Variants in MTAP observed in about 807,000 individuals in gnomAD.
The protein encoded by MTAP is methylthioadenosine phosphorylase.
In MTAP, 33 loss-of-function variants were observed where a neutral mutation model predicts 33.6. That is an observed-to-expected ratio of 0.98 (90% confidence interval 0.74 to 1.31). MTAP has a LOEUF of 1.31. MTAP is among the 40% of genes most tolerant of loss of function. MTAP has a pLI of 0.00. For synonymous variants in MTAP, 148 were observed against 125.7 expected (o/e 1.18, Z -1.19); for missense variants, 367 against 360.0 (o/e 1.02, Z -0.16).
chr9:21,923,422 T>G (rs551301531), intron 1 of MTAP, among the ~76,000 whole-genome samples: 1 of 152,340 alleles, frequency 6.6e-6, no homozygotes, highest in African/African-American at 2.4e-5. Flanking sequence ...CTTTGCCATT[T>G]GTGGGCTCTT....
At chr9:21,935,227 A>C (rs1819023249), downstream of MTAP, 1 of 152,218 alleles carries the variant, frequency 6.6e-6, no homozygotes, top group Non-Finnish European at 1.5e-5. Flanking sequence ...ATAGAATAGA[A>C]ATTATAAATG....
intron 6 of MTAP, chr9:21,856,094 T>A: frequency 1.1e-6 from 1 of 887,982 alleles, no homozygotes; most frequent in Non-Finnish European, 1.3e-6. Context: ...TTTTTATTCC[T>A]TGTGTTACTT....
intron 1 of MTAP, among the ~76,000 whole-genome samples, chr9:21,879,101 G>A (rs1817952721): frequency 6.6e-6 from 1 of 152,140 alleles, no homozygotes; most frequent in Admixed American, 6.6e-5. Context: ...TTCAGGTCCT[G>A]AATATGTTTG....
chr9:21,891,887 G>A (rs994100003), intron 1 of MTAP, among the ~76,000 whole-genome samples: 9 of 152,046 alleles, frequency 5.9e-5, no homozygotes, highest in Non-Finnish European at 7.4e-5. Context: ...GAATAGGAAG[G>A]TCACTGACAA....
chr9:21,868,969 G>C (rs371393108), downstream of MTAP, among the ~76,000 whole-genome samples: 8 of 152,112 alleles, frequency 5.3e-5, no homozygotes, highest in African/African-American at 1.9e-4. Flanking sequence ...GAGAACTACT[G>C]TCATAGATGT....
At chr9:21,927,523 A>G (rs908803211) in intron 1 of MTAP, among the ~76,000 whole-genome samples, 3 of 152,202 alleles carry the variant, frequency 2.0e-5, no homozygotes, top group African/African-American at 7.2e-5. Context: ...GGATAACTGA[A>G]CACATTCATG....
intron 1 of MTAP, among the ~76,000 whole-genome samples, chr9:21,890,618 C>G (rs758694612): frequency 4.6e-5 from 7 of 152,176 alleles, no homozygotes; most frequent in Non-Finnish European, 8.8e-5. Flanking sequence ...GGAGTGTCCA[C>G]AGGGCTCTTA....
downstream of MTAP, among the ~76,000 whole-genome samples, chr9:21,869,095 T>G (rs940646990): frequency 2.0e-5 from 3 of 152,186 alleles, no homozygotes; most frequent in African/African-American, 7.2e-5. Context: ...AATCACTTTT[T>G]CAGCACACAA....
intron 5 of MTAP, among the ~76,000 whole-genome samples, chr9:21,841,662 G>T (rs1220549276): frequency 6.6e-6 from 1 of 152,208 alleles, no homozygotes; most frequent in Non-Finnish European, 1.5e-5. Flanking sequence ...TGGGTGGCTA[G>T]ACCCAGAAGA....
rs1025550834 is a variant in MTAP at position 21,826,848 on chromosome 9, G to C, written c.347+8646G>C. Among the ~76,000 whole-genome samples the C allele has an allele frequency of 9.9e-5, 15 of 152,030 alleles. No individual in the cohort carries two copies. The East Asian group carries it at 2.7e-3, about 27-fold the overall frequency. ...CACAGAAGAAGGTGAGCCGTGGGGCGAGAGCGAGCATTACCACCTGAGCTC... is the reference window on the plus strand; with the variant it reads ...CACAGAAGAAGGTGAGCCGTGGGGCCAGAGCGAGCATTACCACCTGAGCTC... On this transcript the variant is annotated intron_variant, in intron 4 of 7. Coordinates refer to ENST00000644715, the MANE Select transcript of MTAP (RefSeq NM_002451.4).
At chr9:21,910,277 G>C (rs1241900405) in intron 1 of MTAP, among the ~76,000 whole-genome samples, 3 of 151,868 alleles carry the variant, frequency 2.0e-5, no homozygotes, top group Non-Finnish European at 4.4e-5. Context: ...CCATTAAAGA[G>C]TTTGTATCTT....
chr9:21,857,884 G>A (rs1825674140), intron 6 of MTAP, among the ~76,000 whole-genome samples: 1 of 152,196 alleles, frequency 6.6e-6, no homozygotes, highest in African/African-American at 2.4e-5. Flanking sequence ...CCCACAGTCT[G>A]AATTGCTGAA....
chr9:21,931,446 T>A, downstream of MTAP: 1 of 358,108 alleles, frequency 2.8e-6, no homozygotes. Flanking sequence ...TAATAATAGG[T>A]TGCAACTGGC....
intron 1 of MTAP, among the ~76,000 whole-genome samples, chr9:21,887,857 T>C (rs1227127453): frequency 6.6e-6 from 1 of 152,168 alleles, no homozygotes; most frequent in Non-Finnish European, 1.5e-5. Context: ...CTTGGTTAGA[T>C]ATATCCTAAG....
chr9:21,896,860 G>A (rs1174631318), intron 1 of MTAP, among the ~76,000 whole-genome samples: 3 of 152,140 alleles, frequency 2.0e-5, no homozygotes, highest in African/African-American at 7.2e-5. Context: ...GAAAAAGAGG[G>A]AATCCTCCCT....
At chr9:21,940,071 G>T (rs188137161), downstream of MTAP, among the ~76,000 whole-genome samples, 2,937 of 152,190 alleles carry the variant, frequency 0.019, 40 homozygotes, top group Non-Finnish European at 0.032. Context: ...ACCTGAGGTC[G>T]GGAGTTTGAA....
At chr9:21,939,705 A>AAAAAATAAT (rs113287956), downstream of MTAP, among the ~76,000 whole-genome samples, 4 of 150,776 alleles carry the variant, frequency 2.7e-5, no homozygotes, top group African/African-American at 9.8e-5. Flanking sequence ...CTCTATGAAA[A>AAAAAATAAT]AATAATAATA....
chr9:21,862,285 T>C lies in MTAP; in HGVS notation c.*271T>C. 1 of 620,672 alleles carries C rather than the reference T, an allele frequency of 1.6e-6. No homozygotes were observed. The highest frequency in any genetic ancestry group is 2.3e-6 in the Non-Finnish European group (1 of 443,848). The allele number at this position is 620,672 out of a possible 1,614,324, so 38.4% of individuals were successfully genotyped here. A position where few individuals can be genotyped will look rare whatever the true frequency, so the allele number is the denominator to read the frequency against. On this transcript the variant is annotated 3_prime_UTR_variant, in exon 8 of 8. Coordinates refer to ENST00000644715, the MANE Select transcript of MTAP (RefSeq NM_002451.4). ...GGGGAAAAAAAAACCCACCATTCTC[T>C]TCTCCCCCTATTAAATTTGCAACAA...
chr9:21,826,546 A>G (rs1824807697), intron 4 of MTAP, among the ~76,000 whole-genome samples: 1 of 151,578 alleles, frequency 6.6e-6, no homozygotes, highest in Non-Finnish European at 1.5e-5. Flanking sequence ...GTCGGAAGGC[A>G]TGTGATGTCC....
Sources: gnomAD v4.1 joint callset for allele counts (sites outside exome capture counted in the v4.1 genomes callset) on GRCh38, gnomAD v4.1.1 for gene constraint, MANE v1.5 for transcripts, NCBI Gene and HGNC (gene_info 2026-07-23, HGNC 2026-07-21) for gene names.